Variants in ADAM7 observed in about 807,000 individuals in gnomAD.
ADAM7 encodes ADAM metallopeptidase domain 7.
Under a neutral mutation model 102.9 loss-of-function variants are expected in ADAM7, and 97 were observed. The ratio of observed to expected loss-of-function variants is 0.94; its 90% CI spans 0.80 to 1.12. The LOEUF (loss-of-function observed/expected upper bound fraction) is 1.12. Among genes scored for constraint, ADAM7 ranks in the 50% most tolerant of loss-of-function variants. The pLI, the probability that ADAM7 is intolerant of heterozygous loss-of-function variation, is 0.00. For missense variants in ADAM7, 991 were observed against 908.7 expected (o/e 1.09, Z -1.16); for synonymous variants, 334 against 304.4 (o/e 1.10, Z -1.01).
intron 20 of ADAM7, among the ~76,000 whole-genome samples, chr8:24,505,700 T>C (rs1187755432): frequency 1.3e-5 from 2 of 152,116 alleles, no homozygotes; most frequent in African/African-American, 2.4e-5. Flanking sequence ...CATTGGACCA[T>C]GCTTTCTAGT....
In ADAM7 at chr8:24,508,830, A is replaced by T; in HGVS notation, c.*284A>T. The T allele has an allele frequency of 8.2e-7, 1 of 1,220,248 alleles. No individual in the cohort carries two copies. Among genetic ancestry groups the T allele is most frequent in the Non-Finnish European group, 1.0e-6 (1 of 979,924 alleles). The allele number at this position is 1,220,248 out of a possible 1,614,324, so 75.6% of individuals were successfully genotyped here. A position where few individuals can be genotyped will look rare whatever the true frequency, so the allele number is the denominator to read the frequency against. Reference sequence around the variant, plus strand: ...TAAAAATTCGTAACCTTGCTGTAGTATTTTCCTACAAAATGTTACTCTGCT... The same window carrying T: ...TAAAAATTCGTAACCTTGCTGTAGTTTTTTCCTACAAAATGTTACTCTGCT... On this transcript the variant is annotated 3_prime_UTR_variant, in exon 22 of 22. Transcript: ENST00000175238.
At chr8:24,442,821 C>CT (rs33926326) in intron 2 of ADAM7, among the ~76,000 whole-genome samples, 127,827 of 152,068 alleles carry the variant, frequency 0.84, 54,071 homozygotes, top group Middle Eastern at 0.87. Context: ...CCACCAACAG[C>CT]TTTCAGGCTG....
Position 24,499,275 on chromosome 8 carries a change from T to A in ADAM7, c.1882T>A (p.Tyr628Asn). 6.2e-7 allele frequency: 1 copy of A among 1,608,592 alleles called. No individual in the cohort carries two copies. The highest frequency in any genetic ancestry group is 2.2e-5 in the East Asian group (1 of 44,462). Residue 628 changes from tyrosine (Y) to asparagine (N), a missense_variant, in exon 17 of 22, where the codon TAT (tyrosine) becomes AAT (asparagine). Transcript: ENST00000175238. ...TGAATGTCTAAACATGGAAAAGGTCTATATCTCAACCAATTGCCCCTCTCA... is the reference window on the plus strand; with the variant it reads ...TGAATGTCTAAACATGGAAAAGGTCAATATCTCAACCAATTGCCCCTCTCA... ...NGECLNMEKV[Y>N]ISTNCPSQCN...
chr8:24,461,518 T>C (rs1189915052), intron 3 of ADAM7, among the ~76,000 whole-genome samples: 1 of 152,222 alleles, frequency 6.6e-6, no homozygotes, highest in Non-Finnish European at 1.5e-5. Flanking sequence ...CTGTTTGATG[T>C]TTTCTGAACT....
chr8:24,476,715 A>G (rs1819779802), intron 8 of ADAM7, among the ~76,000 whole-genome samples: 1 of 152,188 alleles, frequency 6.6e-6, no homozygotes, highest in African/African-American at 2.4e-5. Context: ...TAATATTGAA[A>G]TAAGTTTCAA....
At chr8:24,505,022 A>G (rs1224897645) in intron 20 of ADAM7, among the ~76,000 whole-genome samples, 1 of 152,140 alleles carries the variant, frequency 6.6e-6, no homozygotes, top group Non-Finnish European at 1.5e-5. Context: ...CATGATGCTA[A>G]TGTAATTCTC....
rs373401025 is a variant in ADAM7 at position 24,507,446 on chromosome 8, T to C, written c.2209-34T>C. On this transcript the variant is annotated intron_variant, in intron 20 of 21. Transcript: ENST00000175238. Reference sequence around the variant, plus strand: ...ATGCCCATGCGTGTAACATCTGATGTGGCACATGATACAACATAATTTATT... The same window carrying C: ...ATGCCCATGCGTGTAACATCTGATGCGGCACATGATACAACATAATTTATT... 5 of 1,555,858 alleles carry C rather than the reference T, an allele frequency of 3.2e-6. No individual in the cohort carries two copies. The African/African-American group carries it at 5.4e-5, about 17-fold the overall frequency.
At chr8:24,472,724 G>A (rs1031934785) in intron 7 of ADAM7, among the ~76,000 whole-genome samples, 6 of 151,494 alleles carry the variant, frequency 4.0e-5, no homozygotes, top group African/African-American at 1.5e-4. Context: ...ATCCAAAGAA[G>A]GTATAAAGAA....
At chr8:24,475,449 A>G (rs1819735891) in intron 7 of ADAM7, among the ~76,000 whole-genome samples, 1 of 152,218 alleles carries the variant, frequency 6.6e-6, no homozygotes, top group Non-Finnish European at 1.5e-5. Context: ...AACAGAAAAT[A>G]GTCAACATTA....
rs1330003323 is a variant in ADAM7 at position 24,479,437 on chromosome 8, A to T, written c.706-2705A>T. Among the ~76,000 whole-genome samples the T allele has an allele frequency of 2.0e-5, 3 of 151,868 alleles. No individual in the cohort carries two copies. In the East Asian group the frequency reaches 5.8e-4, roughly 29 times the overall value. On this transcript the variant is annotated intron_variant, in intron 8 of 21. Transcript: ENST00000175238. ...ATTTTAATTTGGGTTCTGGGGGAAA[A>T]ATTTACTATAGCTCCCTTGGCAGTT...
intron 20 of ADAM7, among the ~76,000 whole-genome samples, 168 bp from the exon 21 acceptor site, chr8:24,507,312 C>G (rs1820984195): frequency 1.3e-5 from 2 of 151,740 alleles, no homozygotes; most frequent in African/African-American, 4.8e-5. Flanking sequence ...AATTTACAAA[C>G]TGTCTTAAGC....
intron 3 of ADAM7, among the ~76,000 whole-genome samples, chr8:24,450,369 C>T (rs1345669666): frequency 6.6e-6 from 1 of 152,092 alleles, no homozygotes; most frequent in Non-Finnish European, 1.5e-5. Context: ...CCTTCACGTC[C>T]CTTGTAAGTT....
Position 24,452,292 on chromosome 8 carries a change from T to A in ADAM7, c.233+5030T>A, listed in dbSNP as rs534474418. Among the ~76,000 whole-genome samples, 7 of 150,276 alleles carry A rather than the reference T, an allele frequency of 4.7e-5. No homozygotes were observed. The South Asian group carries it at 1.5e-3, about 33-fold the overall frequency. ...ATTATTGTGTGGGAGTCTAAGTCTC[T>A]TTGCAGGTCACTCAGGACTTGCTTT... is the stretch of plus-strand genomic sequence containing the variant. On this transcript the variant is annotated intron_variant, in intron 3 of 21. Coordinates refer to ENST00000175238, the MANE Select transcript of ADAM7 (RefSeq NM_003817.4).
In ADAM7 at chr8:24,463,980, T is replaced by A; in HGVS notation, c.312+20T>A. ...ATCATGGTATCTTATGGAACTTTAC[T>A]GTGTCTCTTCTCTAAAAGCAGTATT... On this transcript the variant is annotated intron_variant, in intron 4 of 21. Transcript: ENST00000175238. 1 of 1,592,716 alleles carries A rather than the reference T, an allele frequency of 6.3e-7. No individual in the cohort carries two copies.
chr8:24,478,785 T>C (rs1819853725), intron 8 of ADAM7, among the ~76,000 whole-genome samples: 2 of 152,188 alleles, frequency 1.3e-5, no homozygotes, highest in Admixed American at 6.5e-5. Context: ...TTCTTGCTCT[T>C]TTGTATGTTC....
intron 3 of ADAM7, among the ~76,000 whole-genome samples, chr8:24,450,011 C>G (rs1221883741): frequency 6.6e-6 from 1 of 152,062 alleles, no homozygotes; most frequent in Non-Finnish European, 1.5e-5. Context: ...TGATCTATAT[C>G]TCTGTTTTGG....
intron 3 of ADAM7, among the ~76,000 whole-genome samples, chr8:24,451,036 G>A (rs1818765179): frequency 1.3e-5 from 2 of 152,008 alleles, no homozygotes; most frequent in Non-Finnish European, 2.9e-5. Flanking sequence ...TTGATGTGCT[G>A]CTGGATTCGG....
chr8:24,501,232 T>C (rs935346588), intron 19 of ADAM7, among the ~76,000 whole-genome samples: 3 of 152,162 alleles, frequency 2.0e-5, no homozygotes, highest in Non-Finnish European at 4.4e-5. Flanking sequence ...ATGTATCCCA[T>C]AGTTTGTTTA....
At chr8:24,452,426 A>G (rs1818833083) in intron 3 of ADAM7, among the ~76,000 whole-genome samples, 2 of 147,596 alleles carry the variant, frequency 1.4e-5, no homozygotes, top group African/African-American at 5.0e-5. Context: ...GTCTCTTTTG[A>G]TCTTTGTTGG....
Sources: gnomAD v4.1 joint callset for allele counts (sites outside exome capture counted in the v4.1 genomes callset) on GRCh38, gnomAD v4.1.1 for gene constraint, MANE v1.5 for transcripts, NCBI Gene and HGNC (gene_info 2026-07-23, HGNC 2026-07-21) for gene names.